NPAS4: variants seen among roughly 807,000 people sequenced by gnomAD.
NPAS4 encodes the protein neuronal PAS domain protein 4.
In NPAS4, 10 loss-of-function variants were observed where a neutral mutation model predicts 64.0. The observed-to-expected ratio is 0.16, with a 90% CI of 0.10 to 0.26. The LOEUF is 0.26. Ranked by LOEUF, NPAS4 falls within the 10% of genes least tolerant of loss-of-function variation. NPAS4 has a pLI of 1.00. For synonymous variants in NPAS4, 441 were observed against 411.7 expected, an observed-to-expected ratio of 1.07 and a Z score of -0.86; for missense variants, 886 against 992.6, an observed-to-expected ratio of 0.89 and a Z score of 1.44.
the NPAS4 span, among the ~76,000 whole-genome samples, chr11:66,412,531 C>T: frequency 6.6e-6 from 1 of 152,246 alleles, no homozygotes; most frequent in South Asian, 2.1e-4. Flanking sequence ...CTCTGCATAG[C>T]CTTGTTCAAA....
chr11:66,418,172 C>A (rs1856691692), upstream of NPAS4, among the ~76,000 whole-genome samples: 2 of 152,218 alleles, frequency 1.3e-5, no homozygotes, highest in Non-Finnish European at 2.9e-5. Context: ...CCAATTCACT[C>A]CCTTGCCCAC....
In NPAS4 at chr11:66,424,540, A is replaced by G; in HGVS notation, c.1650A>G (p.Pro550=). The G allele has an allele frequency of 6.2e-7, 1 of 1,614,146 alleles. No individual in the cohort carries two copies. The highest frequency in any genetic ancestry group is 1.1e-5 in the South Asian group (1 of 91,084). ...AHLDSPSQTF[P]EQLSPNPTKT... ...TGGACAGCCCCAGCCAAACCTTCCC[A>G]GAGCAACTGAGCCCCAACCCTACCA... Residue 550 remains proline (P), a synonymous_variant, in exon 7 of 8, where the codon CCA becomes CCG. Transcript: ENST00000311034.
intron 2 of NPAS4, 39 bp from the exon 3 acceptor site, chr11:66,422,412 G>C (rs958848493): frequency 6.5e-7 from 1 of 1,527,434 alleles, no homozygotes; most frequent in African/African-American, 1.4e-5. Context: ...GGCTCCTGCT[G>C]TTCTCCCTAA....
the NPAS4 span, chr11:66,409,261 C>G: frequency 1.4e-5 from 2 of 147,144 alleles, no homozygotes; most frequent in African/African-American, 2.5e-5. Flanking sequence ...GCCACACGCC[C>G]CCACCACCCC....
intron 1 of NPAS4, 75 bp downstream of exon 1, chr11:66,421,429 G>T (rs996509703): frequency 2.2e-6 from 3 of 1,384,330 alleles, no homozygotes; most frequent in Non-Finnish European, 3.1e-6. Flanking sequence ...ACCCGCTGGG[G>T]CTGTCGCATG....
upstream of NPAS4, among the ~76,000 whole-genome samples, chr11:66,418,955 C>T (rs1368350042): frequency 5.3e-5 from 8 of 152,184 alleles, no homozygotes; most frequent in Admixed American, 4.6e-4. Flanking sequence ...AGCCAGTAGA[C>T]TCCTCTTATT....
At chr11:66,419,989 A>G (rs1856715652), upstream of NPAS4, among the ~76,000 whole-genome samples, 1 of 152,144 alleles carries the variant, frequency 6.6e-6, no homozygotes, top group South Asian at 2.1e-4. Flanking sequence ...GTGCGGAGGC[A>G]GCCAGGCCCC....
chr11:66,422,691 C>G lies in NPAS4; in HGVS notation c.448C>G (p.Arg150Gly). Residue 150 changes from arginine to glycine, a missense_variant, in exon 4 of 8, where the codon CGC becomes GGC. Physicochemically the swap from Arg to Gly is moderately radical, Grantham distance 125 (BLOSUM62 -2). Transcript: ENST00000311034. The stretch of plus-strand genomic sequence containing the variant: ...CTATCTAGATCGCCTCTTCCGCTGC[C>G]GCTTCAACACCTCCAAGTCCCTCAG... ...ALDTDRLFRCRFNTSKSLRRQ... is the reference protein window; with the variant it reads ...ALDTDRLFRCGFNTSKSLRRQ... 1 of 1,614,014 alleles carries G rather than the reference C, an allele frequency of 6.2e-7. No homozygotes were observed. Among genetic ancestry groups the G allele is most frequent in the Non-Finnish European group, 8.5e-7 (1 of 1,179,980 alleles).
At position 66,425,065 on chromosome 11, in the gene NPAS4, A is replaced by G. The variant is rs1458493963; in HGVS notation, c.2175A>G (p.Glu725=). The part of the protein sequence containing the change: ...MDLSTPDPSE[E]WGSGDPEAEG... The stretch of plus-strand genomic sequence containing the variant: ...TCTCTACCCCAGATCCCAGTGAGGA[A>G]TGGGGCTCAGGGGATCCTGAGGCAG... The change falls in exon 7 of 8, where the codon GAA becomes GAG. Residue 725 remains glutamate (E), a synonymous_variant. Transcript: ENST00000311034. 1.2e-6 allele frequency: 2 copies of G among 1,609,274 alleles called. No individual in the cohort carries two copies. Among genetic ancestry groups the G allele is most frequent in the South Asian group, 2.2e-5 (2 of 90,316 alleles).
the NPAS4 span, chr11:66,410,955 C>G: frequency 6.6e-6 from 1 of 152,256 alleles, no homozygotes; most frequent in South Asian, 2.1e-4. Flanking sequence ...ACCTTGGAAC[C>G]CATCGGATCC....
the NPAS4 span, among the ~76,000 whole-genome samples, chr11:66,414,890 G>A: frequency 6.6e-6 from 1 of 152,172 alleles, no homozygotes; most frequent in East Asian, 1.9e-4. Flanking sequence ...GAAAACCTGG[G>A]TTCAATTGTG....
rs767746883 is a variant in NPAS4 at position 66,425,048 on chromosome 11, C to T, written c.2158C>T (p.Pro720Ser). ...AGACATCTTCATGGATCTCTCTACC[C>T]CAGATCCCAGTGAGGAATGGGGCTC... is the stretch of plus-strand genomic sequence containing the variant. The part of the protein sequence containing the change: ...VEDIFMDLST[P>S]DPSEEWGSGD... Residue 720 changes from proline (P) to serine (S), a missense_variant, in exon 7 of 8, where the codon CCA becomes TCA. Pro to Ser is a moderately conservative substitution (Grantham distance 74). Coordinates refer to ENST00000311034, the MANE Select transcript of NPAS4 (RefSeq NM_178864.4). 3 of 1,611,442 alleles carry T rather than the reference C, an allele frequency of 1.9e-6. No homozygotes were observed. Among genetic ancestry groups the T allele is most frequent in the African/African-American group, 2.7e-5 (2 of 74,972 alleles).
chr11:66,423,522 G>A (rs1856786785), intron 5 of NPAS4, 56 bp from the exon 6 acceptor site: 1 of 1,603,418 alleles, frequency 6.2e-7, no homozygotes, highest in African/African-American at 1.3e-5. Context: ...CCAAGGGTGG[G>A]GAGTAGGTAG....
chr11:66,424,668 A>T lies in NPAS4; in HGVS notation c.1778A>T (p.Gln593Leu), dbSNP rs1323697229. Residue 593 changes from glutamine (Q) to leucine (L), a missense_variant, in exon 7 of 8, where the codon CAG (glutamine) becomes CTG (leucine). Coordinates refer to ENST00000311034, the MANE Select transcript of NPAS4 (RefSeq NM_178864.4). The part of the protein sequence containing the change: ...NGDCTLLALA[Q>L]LRGPLSVDVP... ...GACTGCACGCTCTTGGCCCTAGCCC[A>T]GCTCCGGGGCCCCCTCTCTGTGGAT... is the stretch of plus-strand genomic sequence containing the variant. 6.2e-7 allele frequency: 1 copy of T among 1,613,534 alleles called. No homozygotes were observed. The highest frequency in any genetic ancestry group is 2.2e-5 in the East Asian group (1 of 44,852).
chr11:66,414,568 A>G, the NPAS4 span, among the ~76,000 whole-genome samples: 11 of 151,954 alleles, frequency 7.2e-5, no homozygotes, highest in Admixed American at 2.0e-4. Flanking sequence ...CCCTCTTTAC[A>G]TGAGCTTTGT....
In NPAS4 at chr11:66,426,128, T is replaced by TG; in HGVS notation, c.*139_*140insG. The stretch of plus-strand genomic sequence containing the variant: ...ATGATTCCCCAGGCCCTGCAGGATT[T>TG]TGGGGGGGGGGAGGTGGGAGGGCAA... On this transcript the variant is annotated 3_prime_UTR_variant, in exon 8 of 8. Coordinates refer to ENST00000311034, the MANE Select transcript of NPAS4 (RefSeq NM_178864.4). The TG allele has an allele frequency of 2.0e-6, 1 of 488,214 alleles. No individual in the cohort carries two copies. The highest frequency in any genetic ancestry group is 3.8e-6 in the Non-Finnish European group (1 of 260,354). The allele number at this position is 488,214 out of a possible 1,614,324, so 30.2% of individuals were successfully genotyped here. A position where few individuals can be genotyped will look rare whatever the true frequency, so the allele number is the denominator to read the frequency against.
At chr11:66,422,312 G>A (rs1320637381) in intron 2 of NPAS4, 41 bp downstream of exon 2, 3 of 1,605,962 alleles carry the variant, frequency 1.9e-6, no homozygotes, top group Non-Finnish European at 2.6e-6. Flanking sequence ...TGGGCATGGA[G>A]TGGGTGCCGT....
chr11:66,421,135 C>A lies in NPAS4; in HGVS notation c.-45C>A. ...AGCCGCCGGTGCGTCGGGACGGGAG[C>A]GCAGGTGCTCGGGCACCCGAGCTGG... On this transcript the variant is annotated 5_prime_UTR_variant, in exon 1 of 8. Coordinates refer to ENST00000311034, the MANE Select transcript of NPAS4 (RefSeq NM_178864.4). 1.3e-6 allele frequency: 2 copies of A among 1,534,510 alleles called. No homozygotes were observed. The highest frequency in any genetic ancestry group is 2.4e-5 in the South Asian group (2 of 85,082).
In NPAS4 at chr11:66,424,636, T is replaced by C. The variant is rs998967038; in HGVS notation, c.1746T>C (p.Gly582=). ...EKLPPSPSSP[G]NGDCTLLALA... ...TGCCCCCAAGTCCTAGCAGCCCTGG[T>C]AATGGGGACTGCACGCTCTTGGCCC... The change falls in exon 7 of 8, where the codon GGT becomes GGC. Residue 582 remains glycine (G), a synonymous_variant. Transcript: ENST00000311034. The C allele has an allele frequency of 3.1e-6, 5 of 1,614,004 alleles. No individual in the cohort carries two copies. The African/African-American group carries it at 6.7e-5, about 22-fold the overall frequency.
Sources: allele counts gnomAD v4.1 joint callset (sites outside exome capture counted in the v4.1 genomes callset), GRCh38; gene constraint gnomAD v4.1.1; transcripts MANE v1.5; gene names NCBI Gene and HGNC (gene_info 2026-07-23, HGNC 2026-07-21).